The following CACNA1E variants were observed in gnomAD, a reference collection of about 807,000 sequenced individuals.
The protein encoded by CACNA1E is calcium voltage-gated channel subunit alpha1 E, also known as voltage-dependent R-type calcium channel subunit alpha-1E.
A neutral mutation model predicts 259.2 loss-of-function variants in CACNA1E; 40 were observed. That is an observed-to-expected ratio of 0.15 (90% CI 0.12 to 0.20). CACNA1E has a LOEUF of 0.20. Among genes scored for constraint, CACNA1E ranks in the 10% least tolerant of loss-of-function variants. CACNA1E has a pLI of 1.00. For missense variants in CACNA1E, 1,874 were observed against 3,040.1 expected (o/e 0.62, Z 9.02); for synonymous variants, 1,104 against 1,138.5 (o/e 0.97, Z 0.61).
Position 181,784,714 on chromosome 1 carries a change from A to G in CACNA1E, c.5524A>G (p.Ile1842Val), listed in dbSNP as rs761790010. The change falls in exon 41 of 48, where the codon ATC (isoleucine) becomes GTC (valine). Residue 1842 changes from isoleucine (I) to valine (V), a missense_variant. By Grantham distance (29) the Ile-to-Val change is conservative. Transcript: ENST00000367573. ...DSELQKETLA[I>V]WPHLSQKMLD... ...AGAGCTACAAAAGGAGACCCTAGCC[A>G]TCTGGCCTCACCTATCCCAGAAGAT... is the stretch of plus-strand genomic sequence containing the variant. The G allele has an allele frequency of 4.2e-5, 66 of 1,589,910 alleles. No homozygotes were observed. The highest frequency in any genetic ancestry group is 2.1e-4 in the South Asian group (18 of 86,946).
intron 3 of CACNA1E, among the ~76,000 whole-genome samples, chr1:181,529,396 A>G (rs1221071201): frequency 2.6e-5 from 4 of 152,240 alleles, no homozygotes; most frequent in Admixed American, 2.6e-4. Flanking sequence ...TGGAAGGGAA[A>G]TGTGGGGTTG....
chr1:181,461,473 G>A (rs1237362587), intron 2 of CACNA1E, among the ~76,000 whole-genome samples: 1 of 150,838 alleles, frequency 6.6e-6, no homozygotes, highest in Non-Finnish European at 1.5e-5. Flanking sequence ...CTTGGGAGGC[G>A]GAGCTTGCAG....
intron 16 of CACNA1E, among the ~76,000 whole-genome samples, chr1:181,722,684 T>C (rs1334495354): frequency 6.6e-6 from 1 of 152,252 alleles, no homozygotes; most frequent in Non-Finnish European, 1.5e-5. Flanking sequence ...TACAAACTTC[T>C]ATACAACTGT....
At chr1:181,434,914 C>T (rs893837595) in intron 2 of CACNA1E, among the ~76,000 whole-genome samples, 2 of 152,206 alleles carry the variant, frequency 1.3e-5, no homozygotes, top group Non-Finnish European at 2.9e-5. Context: ...CCTCTTGGCA[C>T]GTCTCTTCCC....
intron 6 of CACNA1E, among the ~76,000 whole-genome samples, chr1:181,641,911 A>G (rs1657818790): frequency 6.6e-6 from 1 of 151,752 alleles, no homozygotes; most frequent in African/African-American, 2.4e-5. Context: ...ACGGGGTTTC[A>G]CCATCTTGGC....
Position 181,771,359 on chromosome 1 carries a change from T to C in CACNA1E, c.4948T>C (p.Phe1650Leu). 1 of 1,599,956 alleles carries C rather than the reference T, an allele frequency of 6.3e-7. No homozygotes were observed. Among genetic ancestry groups the C allele is most frequent in the Non-Finnish European group, 8.5e-7 (1 of 1,170,288 alleles). ...INRHNNFRSF[F>L]GSLMLLFRSA... ...CCGGCACAACAACTTCCGGAGTTTC[T>C]TTGGGTCCCTAATGCTACTCTTCAG... Residue 1650 changes from phenylalanine to leucine, a missense_variant, in exon 36 of 48, where the codon TTT becomes CTT. Phe to Leu is a conservative substitution (Grantham distance 22). Around this residue, in one of 14 missense-constraint regions of CACNA1E, gnomAD observed 147 missense variants for 337.1 expected, o/e 0.44. Coordinates refer to ENST00000367573, the MANE Select transcript of CACNA1E (RefSeq NM_001205293.3).
chr1:181,734,435 C>G (rs895002408), intron 21 of CACNA1E, among the ~76,000 whole-genome samples: 4 of 150,680 alleles, frequency 2.7e-5, no homozygotes, highest in African/African-American at 9.8e-5. Flanking sequence ...CTGTATTCAT[C>G]CTACCCCTTA....
rs1007436448 is a variant in CACNA1E at position 181,344,625 on chromosome 1, G to A, written c.-15+26502G>A. 4.6e-5 allele frequency among the ~76,000 whole-genome samples: 7 copies of A among 152,292 alleles called. No homozygotes were observed. The East Asian group carries it at 1.4e-3, about 29-fold the overall frequency. ...CAGCTGGAAATGCTCTTTGCCCTAG[G>A]GACACACTTGGCAAGGACAGTGGAA... On this transcript the variant is annotated intron_variant, in intron 1 of 11. Transcript: ENST00000524607.
intron 1 of CACNA1E, among the ~76,000 whole-genome samples, chr1:181,492,089 GT>G (rs1432833306): frequency 6.6e-6 from 1 of 152,138 alleles, no homozygotes; most frequent in African/African-American, 2.4e-5. Context: ...GATTCTTTCA[GT>G]TTCTGTATTA....
intron 2 of CACNA1E, among the ~76,000 whole-genome samples, chr1:181,429,254 C>T (rs1331970948): frequency 1.3e-5 from 2 of 152,114 alleles, no homozygotes; most frequent in Admixed American, 6.5e-5. Context: ...GGCCAGGCCT[C>T]TTCACCTCTC....
chr1:181,774,559 T>C (rs1349225554), intron 37 of CACNA1E, among the ~76,000 whole-genome samples: 1 of 152,252 alleles, frequency 6.6e-6, no homozygotes, highest in Non-Finnish European at 1.5e-5. Context: ...ACTCCTGCTT[T>C]CTGCTCCATC....
At chr1:181,737,684 C>G in intron 23 of CACNA1E, 30 bp downstream of exon 23, 1 of 1,605,168 alleles carries the variant, frequency 6.2e-7, no homozygotes, top group Non-Finnish European at 8.5e-7. Context: ...GTGCCAGCCT[C>G]TGTAGTGCTC....
intron 19 of CACNA1E, among the ~76,000 whole-genome samples, chr1:181,731,568 G>A (rs1202426463): frequency 6.6e-6 from 1 of 152,170 alleles, no homozygotes; most frequent in South Asian, 2.1e-4. Flanking sequence ...ATGCGTGTGG[G>A]TACATGCGCG....
chr1:181,537,010 GT>G (rs1159149677), intron 3 of CACNA1E, among the ~76,000 whole-genome samples: 1 of 151,964 alleles, frequency 6.6e-6, no homozygotes, highest in Non-Finnish European at 1.5e-5. Context: ...CCCTCTGTAG[GT>G]GGGAGCACTT....
intron 6 of CACNA1E, among the ~76,000 whole-genome samples, chr1:181,586,089 G>A (rs542750127): frequency 7.2e-5 from 11 of 152,204 alleles, no homozygotes; most frequent in Non-Finnish European, 1.5e-4. Flanking sequence ...AGCAGCGGAG[G>A]AGGTGAAAAG....
chr1:181,702,725 G>A (rs879492353), intron 7 of CACNA1E, among the ~76,000 whole-genome samples: 3 of 151,986 alleles, frequency 2.0e-5, no homozygotes, highest in Non-Finnish European at 2.9e-5. Flanking sequence ...CCTCCTCCCC[G>A]GATGTCTGCA....
At chr1:181,762,803 C>T (rs1483636890) in intron 33 of CACNA1E, 146 bp downstream of exon 33, 10 of 630,750 alleles carry the variant, frequency 1.6e-5, no homozygotes, top group South Asian at 7.2e-5. Flanking sequence ...TGCTGCTTGG[C>T]ATCAGCCAGG....
intron 6 of CACNA1E, among the ~76,000 whole-genome samples, chr1:181,583,836 A>G (rs1202061251): frequency 6.6e-6 from 1 of 152,128 alleles, no homozygotes; most frequent in East Asian, 1.9e-4. Context: ...GGTGGAAGGA[A>G]TGCAAAACTG....
chr1:181,705,384 G>T (rs904490023), intron 7 of CACNA1E, among the ~76,000 whole-genome samples: 1 of 152,202 alleles, frequency 6.6e-6, no homozygotes, highest in Admixed American at 6.5e-5. Flanking sequence ...CATGTAAACT[G>T]CTGCAGAAAA....
Sources: gnomAD v4.1 joint callset for allele counts (sites outside exome capture counted in the v4.1 genomes callset) on GRCh38, gnomAD v4.1.1 for gene constraint, gnomAD v4.1.1 regional missense constraint, MANE v1.5 for transcripts, NCBI Gene and HGNC (gene_info 2026-07-23, HGNC 2026-07-21) for gene names.